Variants in DAXX observed in about 807,000 individuals in gnomAD.
DAXX encodes death domain associated protein, also known as death domain-associated protein 6.
Under a neutral mutation model 61.9 loss-of-function variants are expected in DAXX, and 24 were observed. The observed-to-expected ratio is 0.39, with a 90% CI of 0.28 to 0.55. DAXX has a LOEUF of 0.55. Ranked by LOEUF, DAXX falls within the 20% of genes least tolerant of loss-of-function variation. The pLI, the probability that DAXX is intolerant of heterozygous loss-of-function variation, is 0.69. For missense variants in DAXX, 819 were observed against 935.3 expected (o/e 0.88, Z 1.62); for synonymous variants, 357 against 369.5 (o/e 0.97, Z 0.39).
At position 33,320,092 on chromosome 6, in the gene DAXX, C is replaced by G. The variant is rs551346113; in HGVS notation, c.1384G>C (p.Glu462Gln). ...EEEEEEATDSEEEEDLEQMQE... is the reference protein window; with the variant it reads ...EEEEEEATDSQEEEDLEQMQE... Reference sequence around the variant, plus strand: ...ATCTGTTCCAGATCCTCCTCCTCTTCAGAATCTGTGGCCTCCTCCTCTTCT... The same window carrying G: ...ATCTGTTCCAGATCCTCCTCCTCTTGAGAATCTGTGGCCTCCTCCTCTTCT... Residue 462 changes from glutamate (E) to glutamine (Q), a missense_variant, in exon 5 of 8, where the codon GAA becomes CAA. Transcript: ENST00000374542. This position sits in a 1 kb window ranked among gnomAD's most constrained non-coding sequence, Gnocchi z 7.1. 1.2e-6 allele frequency: 2 copies of G among 1,613,902 alleles called. No homozygotes were observed. The highest frequency in any genetic ancestry group is 2.2e-5 in the South Asian group (2 of 91,060).
intron 6 of DAXX, 33 bp from the exon 7 acceptor site, chr6:33,319,252 A>G (rs369934091): frequency 1.0e-5 from 16 of 1,573,806 alleles, no homozygotes; most frequent in Non-Finnish European, 1.4e-5. Context: ...GTGGAGGGGT[A>G]CGGGAAGACT....
In DAXX at chr6:33,320,732, C is replaced by T. The variant is rs936739839; in HGVS notation, c.1039+4G>A. On this transcript the variant is annotated splice_donor_region_variant and intron_variant, in intron 3 of 7. Transcript: ENST00000374542. This position sits in a 1 kb window ranked among gnomAD's most constrained non-coding sequence, Gnocchi z 7.1. ...CACTGAGAGGCATCCCACCAACCCC[C>T]TACCTGGCCTATAGTCATCTGTGAG... The T allele has an allele frequency of 1.9e-6, 3 of 1,612,640 alleles. No individual in the cohort carries two copies. In the African/African-American group the frequency reaches 4.0e-5, roughly 22 times the overall value.
chr6:33,319,440 G>C lies in DAXX; in HGVS notation c.1880C>G (p.Pro627Arg), dbSNP rs568745117. ...VSPHNWGDSG[P>R]PCKKSRKEKK... ...CTCCTTCCGAGATTTTTTGCAGGGG[G>C]GACCAGAATCTCCCCAGTTGTGAGG... Residue 627 changes from proline to arginine, a missense_variant, in exon 6 of 8, where the codon CCC becomes CGC. Pro to Arg is a moderately radical substitution (Grantham distance 103, BLOSUM62 -2). Transcript: ENST00000374542. 6.2e-7 allele frequency: 1 copy of C among 1,613,368 alleles called. No individual in the cohort carries two copies. Among genetic ancestry groups the C allele is most frequent in the African/African-American group, 1.3e-5 (1 of 74,974 alleles).
At chr6:33,322,539 G>A in intron 1 of DAXX, 1 of 239,646 alleles carries the variant, frequency 4.2e-6, no homozygotes, top group South Asian at 4.7e-5. Context: ...TTAGGTTGAA[G>A]ATATTTTACC....
chr6:33,319,835 G>A lies in DAXX; in HGVS notation c.1485C>T (p.Ser495=), dbSNP rs746227699. The change falls in exon 6 of 8, where the codon AGC becomes AGT. Residue 495 remains serine (S), a synonymous_variant. Transcript: ENST00000374542. ...EAAAGKDGDK[S]PMSSLQISNE... Reference sequence around the variant, plus strand: ...TGGAGATCTGTAGTGAGGACATGGGGCTCTTGTCTCCATCTTTACCTGGAA... The same window carrying A: ...TGGAGATCTGTAGTGAGGACATGGGACTCTTGTCTCCATCTTTACCTGGAA... The A allele has an allele frequency of 1.2e-6, 2 of 1,609,660 alleles. No homozygotes were observed. Among genetic ancestry groups the A allele is most frequent in the African/African-American group, 1.3e-5 (1 of 74,570 alleles).
chr6:33,322,764 C>T (rs1301165601), intron 1 of DAXX, 98 bp downstream of exon 1: 6 of 533,058 alleles, frequency 1.1e-5, no homozygotes, highest in Non-Finnish European at 1.7e-5. Flanking sequence ...AGGAAGGTAC[C>T]ACAGCTTTCC....
In DAXX at chr6:33,319,515, T is replaced by G. The variant is rs142867298; in HGVS notation, c.1805A>C (p.Glu602Ala). ...QSEEPFTTVL[E>A]NGAGMVSSTS... The stretch of plus-strand genomic sequence containing the variant: ...AGAAGAGACCATGCCTGCTCCATTC[T>G]CTAAGACAGTGGTGAAGGGCTCCTC... The change falls in exon 6 of 8, where the codon GAG (glutamate) becomes GCG (alanine). Residue 602 changes from glutamate to alanine, a missense_variant. Coordinates refer to ENST00000374542, the MANE Select transcript of DAXX (RefSeq NM_001141969.2). 67 of 1,614,026 alleles carry G rather than the reference T, an allele frequency of 4.2e-5. No homozygotes were observed. The highest frequency in any genetic ancestry group is 4.9e-5 in the Non-Finnish European group (58 of 1,180,026).
In DAXX at chr6:33,321,088, C is replaced by G; in HGVS notation, c.687G>C (p.Lys229Asn). Residue 229 changes from lysine to asparagine, a missense_variant, in exon 3 of 8, where the codon AAG becomes AAC. Transcript: ENST00000374542. The surrounding 1 kb of genome is among the most constrained non-coding windows in gnomAD (Gnocchi z 7.2). ...DSAYLQEARL[K>N]RKLIRLFGRL... Reference sequence around the variant, plus strand: ...GCCCAAAGAGGCGGATCAGCTTACGCTTCAACCGTGCCTCCTGCAGGTATG... The same window carrying G: ...GCCCAAAGAGGCGGATCAGCTTACGGTTCAACCGTGCCTCCTGCAGGTATG... 1 of 1,613,154 alleles carries G rather than the reference C, an allele frequency of 6.2e-7. No individual in the cohort carries two copies. Among genetic ancestry groups the G allele is most frequent in the Non-Finnish European group, 8.5e-7 (1 of 1,179,048 alleles).
At position 33,321,975 on chromosome 6, in the gene DAXX, C is replaced by T. The variant is rs1770686726; in HGVS notation, c.-50G>A. On this transcript the variant is annotated splice_region_variant and 5_prime_UTR_variant, in exon 2 of 8. Transcript: ENST00000374542. The surrounding 1 kb of genome is among the most constrained non-coding windows in gnomAD (Gnocchi z 7.2). ...GGAAGTGGTGGGGATTTCAGAATTC[C>T]TGCTGGAAGGGGATGGGGCCTCAGA... 1 of 1,572,344 alleles carries T rather than the reference C, an allele frequency of 6.4e-7. No individual in the cohort carries two copies. Among genetic ancestry groups the T allele is most frequent in the Admixed American group, 1.7e-5 (1 of 57,148 alleles).
chr6:33,319,732 GTGAC>G lies in DAXX; in HGVS notation c.1584_1587del (p.Ser529HisfsTer14), dbSNP rs1285256825. 1 of 1,614,120 alleles carries G rather than the reference GTGAC, an allele frequency of 6.2e-7. No individual in the cohort carries two copies. The highest frequency in any genetic ancestry group is 8.5e-7 in the Non-Finnish European group (1 of 1,180,048). ...AGGGGTTCTTCTGACAGTAACGATG[GTGAC>G]ACTATGCGTCCTTTGTTTTGCTGCT... On this transcript the variant is annotated frameshift_variant, in exon 6 of 8. Coordinates refer to ENST00000374542, the MANE Select transcript of DAXX (RefSeq NM_001141969.2). LOFTEE classifies it high-confidence loss of function.
chr6:33,322,947 C>G lies in DAXX; in HGVS notation c.-138G>C. 2 of 1,294,096 alleles carry G rather than the reference C, an allele frequency of 1.5e-6. No individual in the cohort carries two copies. The highest frequency in any genetic ancestry group is 2.1e-6 in the Non-Finnish European group (2 of 930,850). 80.2% of individuals were successfully genotyped at this position (1,294,096 alleles called of 1,614,324 possible). ...TCCGCCTTCCTTCCCACTCCCACCG[C>G]AGGCCCCACTACGGACCGGAAGTCA... On this transcript the variant is annotated 5_prime_UTR_variant, in exon 1 of 8. Transcript: ENST00000374542.
rs758706597 is a variant in DAXX at position 33,319,659 on chromosome 6, T to G, written c.1661A>C (p.Glu554Ala). 1.9e-6 allele frequency: 3 copies of G among 1,613,866 alleles called. No individual in the cohort carries two copies. In the East Asian group the frequency reaches 6.7e-5, roughly 36 times the overall value. Reference sequence around the variant, plus strand: ...AGGGCTTTCTTCCTCCAGGGTCAGCTCCTCAGGCTGTTCTCCATTGCTTTC... The same window carrying G: ...AGGGCTTTCTTCCTCCAGGGTCAGCGCCTCAGGCTGTTCTCCATTGCTTTC... ...DAESNGEQPE[E>A]LTLEEESPVS... Residue 554 changes from glutamate (E) to alanine (A), a missense_variant, in exon 6 of 8, where the codon GAG becomes GCG. Glu to Ala is a moderately radical substitution (Grantham distance 107, BLOSUM62 -1). Transcript: ENST00000374542.
rs1562718163 is a variant in DAXX, at chr6:33,319,085, C to A, written c.2075G>T (p.Gly692Val). ...SSTRVDSPSH[G>V]LVTSSLCIPS... ...GATGCAGAGGGAGCTGGTCACCAGG[C>A]CATGGCTGGGAGAGTCCACCCTCGT... The change falls in exon 7 of 8, where the codon GGC becomes GTC. Residue 692 changes from glycine to valine, a missense_variant. Transcript: ENST00000374542. The A allele has an allele frequency of 3.7e-6, 6 of 1,614,140 alleles. No individual in the cohort carries two copies. Among genetic ancestry groups the A allele is most frequent in the Non-Finnish European group, 5.1e-6 (6 of 1,180,046 alleles).
rs34281918 is a variant in DAXX at position 33,318,611 on chromosome 6, CTT to C, written c.*130_*131del. 9.1e-4 allele frequency: 364 copies of C among 401,642 alleles called. No individual in the cohort carries two copies. Among genetic ancestry groups the C allele is most frequent in the Non-Finnish European group, 1.2e-3 (260 of 225,528 alleles). 24.9% of individuals were successfully genotyped at this position (401,642 alleles called of 1,614,324 possible). On this transcript the variant is annotated 3_prime_UTR_variant, in exon 8 of 8. Transcript: ENST00000374542. ...TTAATGTTTCTGTGTAAAACTTAAG[CTT>C]TTTTTTTTTTTTAAAGAAACACCAC...
Position 33,321,884 on chromosome 6 carries a change from GTCA to G in DAXX, c.39_41del (p.Asp14del). 1.9e-6 allele frequency: 3 copies of G among 1,610,926 alleles called. No homozygotes were observed. Among genetic ancestry groups the G allele is most frequent in the Middle Eastern group, 1.7e-4 (1 of 5,796 alleles). ...CTGGCTGAGCAGCTGCTTCATCTTC[GTCA>G]TCATCATCCAGCACGATGATGCTGT... is the stretch of plus-strand genomic sequence containing the variant. On this transcript the variant is annotated inframe_deletion, in exon 2 of 8. Coordinates refer to ENST00000374542, the MANE Select transcript of DAXX (RefSeq NM_001141969.2). The surrounding 1 kb of genome is among the most constrained non-coding windows in gnomAD (Gnocchi z 7.2).
At position 33,320,186 on chromosome 6, in the gene DAXX, G is replaced by A. The variant is rs1477238482; in HGVS notation, c.1290C>T (p.Ala430=). Residue 430 remains alanine (A), a synonymous_variant, in exon 5 of 8, where the codon GCC becomes GCT. Transcript: ENST00000374542. This position sits in a 1 kb window ranked among gnomAD's most constrained non-coding sequence, Gnocchi z 7.1. Reference sequence around the variant, plus strand: ...CTTCGTCATCTGTCTCAGCTCTGGAGGCAGAAGGGCACCCCTGGGATGCCA... The same window carrying A: ...CTTCGTCATCTGTCTCAGCTCTGGAAGCAGAAGGGCACCCCTGGGATGCCA... ...SGMASQGCPS[A]SRAETDDEDD... The A allele has an allele frequency of 6.2e-7, 1 of 1,613,884 alleles. No homozygotes were observed. Among genetic ancestry groups the A allele is most frequent in the South Asian group, 1.1e-5 (1 of 91,076 alleles).
Position 33,319,671 on chromosome 6 carries a change from T to C in DAXX, c.1649A>G (p.Glu550Gly), listed in dbSNP as rs1375680429. 6.2e-7 allele frequency: 1 copy of C among 1,614,158 alleles called. No homozygotes were observed. The highest frequency in any genetic ancestry group is 1.1e-5 in the South Asian group (1 of 91,076). Residue 550 changes from glutamate (E) to glycine (G), a missense_variant, in exon 6 of 8, where the codon GAA (glutamate) becomes GGA (glycine). Coordinates refer to ENST00000374542, the MANE Select transcript of DAXX (RefSeq NM_001141969.2). ...PSSIDAESNG[E>G]QPEELTLEEE... ...CTCCAGGGTCAGCTCCTCAGGCTGT[T>C]CTCCATTGCTTTCAGCATCTATGCT...
chr6:33,321,201 C>T lies in DAXX; in HGVS notation c.574G>A (p.Glu192Lys). The change falls in exon 3 of 8, where the codon GAG (glutamate) becomes AAG (lysine). Residue 192 changes from glutamate to lysine, a missense_variant. Glu to Lys is a moderately conservative substitution (Grantham distance 56). Transcript: ENST00000374542. This position sits in a 1 kb window ranked among gnomAD's most constrained non-coding sequence, Gnocchi z 7.2. ...GCCACATAGAGCGCCAGCAGCTGCT[C>T]CAAACGCTGGATCTGCCGCCGGGAA... ...RGSRRQIQRL[E>K]QLLALYVAEI... The T allele has an allele frequency of 6.2e-7, 1 of 1,613,068 alleles. No homozygotes were observed. Among genetic ancestry groups the T allele is most frequent in the Non-Finnish European group, 8.5e-7 (1 of 1,179,028 alleles).
At position 33,322,524 on chromosome 6, in the gene DAXX, G is replaced by A. The variant is rs577738344; in HGVS notation, c.-53+338C>T. 160 of 230,016 alleles carry A rather than the reference G, an allele frequency of 7.0e-4. 1 individual carries two copies. The highest frequency in any genetic ancestry group is 3.4e-3 in the African/African-American group (146 of 42,564). 14.2% of individuals were successfully genotyped at this position (230,016 alleles called of 1,614,324 possible). ...CCCTCCGATGAGTCTCCTCAAACTGGGGCTTTAGGTTGAAGATATTTTACC... is the reference window on the plus strand; with the variant it reads ...CCCTCCGATGAGTCTCCTCAAACTGAGGCTTTAGGTTGAAGATATTTTACC... On this transcript the variant is annotated intron_variant, in intron 1 of 7. Coordinates refer to ENST00000374542, the MANE Select transcript of DAXX (RefSeq NM_001141969.2).
Sources: allele counts gnomAD v4.1 joint callset, GRCh38; gene constraint gnomAD v4.1.1; non-coding constraint Gnocchi (gnomAD v3.1); transcripts MANE v1.5; gene names NCBI Gene and HGNC (gene_info 2026-07-23, HGNC 2026-07-21).